The following COL9A1 variants were observed in gnomAD, a reference collection of about 807,000 sequenced individuals.
COL9A1 encodes collagen type IX alpha 1 chain.
In COL9A1, 104 loss-of-function variants were observed where a neutral mutation model predicts 142.6. The observed-to-expected ratio is 0.73, with a 90% CI of 0.62 to 0.86. The LOEUF (loss-of-function observed/expected upper bound fraction) is 0.86, where lower values mean the gene tolerates loss of function less well. COL9A1 is among the 40% of genes least tolerant of loss of function. The pLI is 0.00. For synonymous variants in COL9A1, 466 were observed against 396.0 expected, an observed-to-expected ratio of 1.18 and a Z score of -2.10; for missense variants, 1,210 against 1,176.6, an observed-to-expected ratio of 1.03 and a Z score of -0.42.
At chr6:70,238,875 A>T (rs774450830) in intron 33 of COL9A1, among the ~76,000 whole-genome samples, 2 of 152,224 alleles carry the variant, frequency 1.3e-5, no homozygotes, top group Non-Finnish European at 2.9e-5. Flanking sequence ...GTGGTGGCTC[A>T]CACCTGTAAA....
At chr6:70,246,732 G>A (rs1275848865) in intron 28 of COL9A1, among the ~76,000 whole-genome samples, 1 of 152,138 alleles carries the variant, frequency 6.6e-6, no homozygotes, top group East Asian at 1.9e-4. Flanking sequence ...TCAGCATTTA[G>A]CCAGCAAACT....
At chr6:70,280,288 A>T in intron 10 of COL9A1, 2 of 1,235,850 alleles carry the variant, frequency 1.6e-6, no homozygotes, top group Non-Finnish European at 2.0e-6. Flanking sequence ...GCACATCCCC[A>T]CTCACTTCAA....
chr6:70,283,143 C>T (rs1427555355), intron 6 of COL9A1: 26 of 1,525,932 alleles, frequency 1.7e-5, no homozygotes, highest in African/African-American at 2.7e-5. Context: ...GGTGGCACTT[C>T]GTCCCTGCAG....
At chr6:70,227,500 G>C (rs13201233) in intron 36 of COL9A1, among the ~76,000 whole-genome samples, 32,446 of 138,928 alleles carry the variant, frequency 0.23, 3,826 homozygotes, top group Non-Finnish European at 0.28. Flanking sequence ...TTCAATTAAA[G>C]ATATACTAGC....
intron 28 of COL9A1, among the ~76,000 whole-genome samples, chr6:70,243,565 T>C (rs1770406029): frequency 6.6e-6 from 1 of 152,182 alleles, no homozygotes; most frequent in Non-Finnish European, 1.5e-5. Flanking sequence ...TCTTTCTCTG[T>C]TGCCCAGGCT....
intron 17 of COL9A1, 55 bp downstream of exon 17, chr6:70,268,749 G>A (rs1217181394): frequency 9.9e-6 from 15 of 1,517,910 alleles, no homozygotes; most frequent in Non-Finnish European, 1.4e-5. Context: ...TTAAAGTAAA[G>A]GCTCCATTTT....
intron 37 of COL9A1, among the ~76,000 whole-genome samples, chr6:70,222,397 G>T (rs1370379198): frequency 6.6e-6 from 1 of 152,122 alleles, no homozygotes; most frequent in Non-Finnish European, 1.5e-5. Flanking sequence ...CTCCATGTCT[G>T]CACTTCTTAA....
Position 70,274,765 on chromosome 6 carries a change from G to T in COL9A1, c.983C>A (p.Thr328Lys), listed in dbSNP as rs866839900. The T allele has an allele frequency of 1.2e-6, 2 of 1,612,382 alleles. No individual in the cohort carries two copies. Among genetic ancestry groups the T allele is most frequent in the Admixed American group, 1.7e-5 (1 of 60,004 alleles). ...GGAGCCAGGGGATCCATCAGGTCCT[G>T]TTAATCCCTAATAGAGCAAGACAAT... ...KPGTPGADGLTGPDGSPGSIG... is the reference protein window; with the variant it reads ...KPGTPGADGLKGPDGSPGSIG... Residue 328 changes from threonine (T) to lysine (K), a missense_variant, in exon 11 of 38, where the codon ACA (threonine) becomes AAA (lysine). Physicochemically the swap from Thr to Lys is moderately conservative, Grantham distance 78. Transcript: ENST00000357250.
chr6:70,263,344 G>A (rs1475210045), intron 18 of COL9A1, 47 bp from the exon 19 acceptor site: 1 of 1,533,898 alleles, frequency 6.5e-7, no homozygotes, highest in African/African-American at 1.4e-5. Context: ...TGTTATTCTA[G>A]CAAACGAACA....
intron 33 of COL9A1, among the ~76,000 whole-genome samples, chr6:70,238,066 G>A (rs775971111): frequency 1.3e-5 from 2 of 152,324 alleles, no homozygotes; most frequent in Non-Finnish European, 1.5e-5. Flanking sequence ...CAAAGGCTTT[G>A]TTTACCTCGC....
rs369957939 is a variant in COL9A1 at position 70,294,481 on chromosome 6, A to G, written c.382T>C (p.Trp128Arg). The G allele has an allele frequency of 6.2e-7, 1 of 1,614,010 alleles. No individual in the cohort carries two copies. The highest frequency in any genetic ancestry group is 8.5e-7 in the Non-Finnish European group (1 of 1,179,986). Residue 128 changes from tryptophan to arginine, a missense_variant, in exon 5 of 38, where the codon TGG (tryptophan) becomes CGG (arginine). By Grantham distance (101) the Trp-to-Arg change is moderately radical. Coordinates refer to ENST00000357250, the MANE Select transcript of COL9A1 (RefSeq NM_001851.6). ...RMTGSTLKKN[W>R]NIWQIQDSSG... ...GAATCCTGAATCTGCCAAATGTTCC[A>G]GTTCTTTTTGAGAGTGCTTCCAGTC...
At chr6:70,274,576 C>T in intron 11 of COL9A1, 143 bp downstream of exon 11, 1 of 724,132 alleles carries the variant, frequency 1.4e-6, no homozygotes, top group Non-Finnish European at 2.5e-6. Flanking sequence ...TATTCCACAT[C>T]ATGGTGTTTT....
chr6:70,259,134 GA>G (rs201771761), intron 20 of COL9A1, among the ~76,000 whole-genome samples: 1 of 151,422 alleles, frequency 6.6e-6, no homozygotes, highest in Non-Finnish European at 1.5e-5. Flanking sequence ...AAACAGCCTG[GA>G]AAAAAAACAT....
rs779666896 is a variant in COL9A1, at chr6:70,274,076, G to A, written c.1036C>T (p.Pro346Ser). The A allele has an allele frequency of 3.1e-6, 5 of 1,587,548 alleles. No individual in the cohort carries two copies. In the African/African-American group the frequency reaches 5.4e-5, roughly 17 times the overall value. The part of the protein sequence containing the change: ...SIGSKGQKGE[P>S]GVPGSRGFPG... ...AATCCACGCGATCCAGGCACACCAG[G>A]TTCTCCCTAAAAATAAAAATAGTTT... is the stretch of plus-strand genomic sequence containing the variant. The change falls in exon 12 of 38, where the codon CCT becomes TCT. Residue 346 changes from proline (P) to serine (S), a missense_variant. Coordinates refer to ENST00000357250, the MANE Select transcript of COL9A1 (RefSeq NM_001851.6).
At chr6:70,229,922 A>G (rs989370710) in intron 36 of COL9A1, among the ~76,000 whole-genome samples, 1 of 152,290 alleles carries the variant, frequency 6.6e-6, no homozygotes, top group South Asian at 2.1e-4. Flanking sequence ...ATTTTCTAGG[A>G]GAAAAACAGT....
intron 31 of COL9A1, 114 bp downstream of exon 31, chr6:70,241,302 GAAA>G: frequency 1.2e-6 from 1 of 866,780 alleles, no homozygotes; most frequent in South Asian, 1.3e-5. Context: ...AACACATTGA[GAAA>G]AACTGTTAGC....
At chr6:70,261,830 G>C (rs991963426) in intron 19 of COL9A1, among the ~76,000 whole-genome samples, 1 of 152,168 alleles carries the variant, frequency 6.6e-6, no homozygotes, top group Non-Finnish European at 1.5e-5. Context: ...ATTTTCTCTT[G>C]AGGTGTCTAC....
At chr6:70,228,981 A>G (rs76344256) in intron 36 of COL9A1, among the ~76,000 whole-genome samples, 175 of 152,238 alleles carry the variant, frequency 1.1e-3, no homozygotes, top group African/African-American at 3.9e-3. Flanking sequence ...AATGTGCCAC[A>G]TTTCTGAAGA....
At position 70,232,758 on chromosome 6, in the gene COL9A1, C is replaced by G; in HGVS notation, c.2328G>C (p.Glu776Asp). ...CMRVIQEHFA[E>D]MAASLKRPDS... ...CTGGACGCTTAAGACTGGCAGCCATCTCAGCAAAATGTTCTAAAAGAGAAT... is the reference window on the plus strand; with the variant it reads ...CTGGACGCTTAAGACTGGCAGCCATGTCAGCAAAATGTTCTAAAAGAGAAT... The change falls in exon 36 of 38, where the codon GAG becomes GAC. Residue 776 changes from glutamate (E) to aspartate (D), a missense_variant. Physicochemically the swap from Glu to Asp is conservative, Grantham distance 45 (BLOSUM62 2). Coordinates refer to ENST00000357250, the MANE Select transcript of COL9A1 (RefSeq NM_001851.6). The G allele has an allele frequency of 6.2e-7, 1 of 1,612,960 alleles. No homozygotes were observed. The highest frequency in any genetic ancestry group is 1.1e-5 in the South Asian group (1 of 91,034).
Sources: gnomAD v4.1 joint callset for allele counts (sites outside exome capture counted in the v4.1 genomes callset) on GRCh38, gnomAD v4.1.1 for gene constraint, MANE v1.5 for transcripts, NCBI Gene and HGNC (gene_info 2026-07-23, HGNC 2026-07-21) for gene names.